CPNE5: variants seen among roughly 807,000 people sequenced by gnomAD.
The protein encoded by CPNE5 is copine-5.
A neutral mutation model predicts 81.1 loss-of-function variants in CPNE5; 42 were observed. The observed-to-expected ratio is 0.52, with a 90% CI of 0.40 to 0.67. The LOEUF (loss-of-function observed/expected upper bound fraction) is 0.67. CPNE5 is among the 30% of genes least tolerant of loss of function. The probability of loss-of-function intolerance (pLI) is 0.00; values close to 1 mark genes in which losing one functional copy is unlikely to be tolerated. For missense variants in CPNE5, 612 were observed against 815.5 expected (o/e 0.75, Z 3.04); for synonymous variants, 313 against 321.5 (o/e 0.97, Z 0.28).
At chr6:36,765,843 G>A (rs933342495) in intron 10 of CPNE5, among the ~76,000 whole-genome samples, 20 of 151,378 alleles carry the variant, frequency 1.3e-4, no homozygotes, top group African/African-American at 1.9e-4. Flanking sequence ...AGCCCTGCAC[G>A]TCAGGGAGGA....
At chr6:36,827,261 C>G (rs1772580899) in intron 1 of CPNE5, 1 of 929,734 alleles carries the variant, frequency 1.1e-6, no homozygotes, top group Admixed American at 6.2e-5. Context: ...TCCACACTTG[C>G]CTCCGTCCAT....
chr6:36,772,318 C>A lies in CPNE5; in HGVS notation c.737+2643G>T, dbSNP rs1767106512. ...CCTGACTTTCCAGCCTTTCCTGGGC[C>A]TTCTTTAGAACTCACTGCTCCAACC... is the stretch of plus-strand genomic sequence containing the variant. On this transcript the variant is annotated intron_variant, in intron 10 of 20. Coordinates refer to ENST00000244751, the MANE Select transcript of CPNE5 (RefSeq NM_020939.2). Among the ~76,000 whole-genome samples the A allele has an allele frequency of 2.6e-5, 4 of 152,114 alleles. No individual in the cohort carries two copies. The South Asian group carries it at 8.3e-4, about 32-fold the overall frequency.
chr6:36,746,430 G>T lies in CPNE5; in HGVS notation c.1166C>A (p.Pro389His). The T allele has an allele frequency of 1.9e-6, 3 of 1,612,942 alleles. No homozygotes were observed. Among genetic ancestry groups the T allele is most frequent in the Non-Finnish European group, 2.5e-6 (3 of 1,179,442 alleles). The change falls in exon 16 of 21, where the codon CCC becomes CAC. Residue 389 changes from proline (P) to histidine (H), a missense_variant. By Grantham distance (77) the Pro-to-His change is moderately conservative (BLOSUM62 -2). Transcript: ENST00000244751. The surrounding 1 kb of genome is among the most constrained non-coding windows in gnomAD (Gnocchi z 4.5). ...CTCGTGGGACACTCTGCCATCCGGGGGCAGCTTGGCCCCGAAGCCCAGGGC... is the reference window on the plus strand; with the variant it reads ...CTCGTGGGACACTCTGCCATCCGGGTGCAGCTTGGCCCCGAAGCCCAGGGC... ...FPALGFGAKL[P>H]PDGRVSHEFP... is the part of the protein sequence containing the mutation.
chr6:36,759,615 G>C (rs1419694925), intron 12 of CPNE5, among the ~76,000 whole-genome samples: 1 of 152,080 alleles, frequency 6.6e-6, no homozygotes, highest in Admixed American at 6.5e-5. Context: ...AGGAACCCCA[G>C]GAGCACTGAC....
At chr6:36,795,667 T>G (rs575576663) in intron 6 of CPNE5, among the ~76,000 whole-genome samples, 12 of 152,322 alleles carry the variant, frequency 7.9e-5, no homozygotes, top group Non-Finnish European at 1.5e-4. Flanking sequence ...TCTGTTGACA[T>G]CTTGATCTCC....
rs372576700 is a variant in CPNE5, at chr6:36,775,105, A to G, written c.633-40T>C. On this transcript the variant is annotated intron_variant, in intron 9 of 20. Coordinates refer to ENST00000244751, the MANE Select transcript of CPNE5 (RefSeq NM_020939.2). ...GAGAGGGAAAGGCTGTCAGGCCCAA[A>G]CCCAAGGGAGGCGAATGCAGGTCAA... The G allele has an allele frequency of 1.4e-4, 212 of 1,526,612 alleles. No individual in the cohort carries two copies. The African/African-American group carries it at 2.6e-3, about 18-fold the overall frequency. 94.6% of individuals were successfully genotyped at this position (1,526,612 alleles called of 1,614,324 possible). A position where few individuals can be genotyped will look rare whatever the true frequency, so the allele number is the denominator to read the frequency against.
chr6:36,785,474 G>A (rs1262958242), intron 8 of CPNE5, among the ~76,000 whole-genome samples: 1 of 152,182 alleles, frequency 6.6e-6, no homozygotes, highest in Non-Finnish European at 1.5e-5. Flanking sequence ...GCACAGAAAA[G>A]TAACTTGCCC....
intron 1 of CPNE5, chr6:36,827,697 T>G: frequency 1.0e-6 from 1 of 985,372 alleles, no homozygotes; most frequent in African/African-American, 1.7e-5. Flanking sequence ...CCAGGGGCAA[T>G]GAGTCACTTG....
chr6:36,820,200 G>A (rs1242574790), intron 3 of CPNE5, among the ~76,000 whole-genome samples: 1 of 152,058 alleles, frequency 6.6e-6, no homozygotes, highest in Non-Finnish European at 1.5e-5. Context: ...CCCCTTCCCC[G>A]CTTTCCTCTT....
chr6:36,753,396 T>A (rs1765060308), intron 13 of CPNE5, among the ~76,000 whole-genome samples: 1 of 152,212 alleles, frequency 6.6e-6, no homozygotes, highest in Admixed American at 6.5e-5. Context: ...AAGGGTCCCA[T>A]CTGTGTCAGT....
At chr6:36,792,141 G>C (rs1561790968) in intron 7 of CPNE5, 45 bp from the exon 8 acceptor site, 1 of 1,583,948 alleles carries the variant, frequency 6.3e-7, no homozygotes, top group Non-Finnish European at 8.7e-7. Context: ...GACAAAGACA[G>C]AGCCATAAAC....
chr6:36,756,446 T>C, intron 12 of CPNE5, 148 bp from the exon 13 acceptor site: 1 of 646,108 alleles, frequency 1.5e-6, no homozygotes, highest in Non-Finnish European at 2.7e-6. Flanking sequence ...GAGAAGGGTT[T>C]AAGGAGGATT....
intron 18 of CPNE5, chr6:36,744,584 C>T: frequency 3.7e-6 from 2 of 547,652 alleles, no homozygotes; most frequent in Admixed American, 3.1e-5. Context: ...TTTGGTGAGT[C>T]ACCCCCATCC....
At chr6:36,763,106 C>G in intron 11 of CPNE5, 114 bp from the exon 12 acceptor site, 1 of 892,212 alleles carries the variant, frequency 1.1e-6, no homozygotes, top group Admixed American at 1.8e-5. Flanking sequence ...GGACTCCACT[C>G]CAGGGGCACA....
At chr6:36,804,314 T>C (rs1008774959) in intron 3 of CPNE5, among the ~76,000 whole-genome samples, 41 of 152,178 alleles carry the variant, frequency 2.7e-4, no homozygotes, top group African/African-American at 9.7e-4. Flanking sequence ...GGACATCAGA[T>C]TGAATAAGAC....
chr6:36,792,235 A>C (rs934516986), intron 7 of CPNE5, 139 bp from the exon 8 acceptor site: 2 of 1,246,960 alleles, frequency 1.6e-6, no homozygotes, highest in Non-Finnish European at 2.3e-6. Context: ...CTGAGAAGAC[A>C]GAGTCTCCTG....
chr6:36,745,129 A>G lies in CPNE5; in HGVS notation c.1350T>C (p.Asp450=), dbSNP rs2150356801. 6.2e-7 allele frequency: 1 copy of G among 1,613,934 alleles called. No homozygotes were observed. Among genetic ancestry groups the G allele is most frequent in the Non-Finnish European group, 8.5e-7 (1 of 1,179,902 alleles). Residue 450 remains aspartate (D), a synonymous_variant, in exon 18 of 21, where the codon GAT becomes GAC. Coordinates refer to ENST00000244751, the MANE Select transcript of CPNE5 (RefSeq NM_020939.2). ...HVARNAAAVQ[D]GSQYSVLLII... is the part of the protein sequence containing the mutation. ...TGAGCAGCACCGAGTACTGGGAGCC[A>G]TCCTGCACGGCCGCTGCATTCCTGG... is the stretch of plus-strand genomic sequence containing the variant.
intron 2 of CPNE5, 104 bp from the exon 3 acceptor site, chr6:36,822,264 C>A (rs1432713964): frequency 3.3e-6 from 3 of 906,516 alleles, no homozygotes; most frequent in African/African-American, 1.7e-5. Context: ...GCAGACCCAG[C>A]CTGGGTAGCA....
chr6:36,752,175 G>T (rs1489451317), intron 14 of CPNE5, among the ~76,000 whole-genome samples: 1 of 152,174 alleles, frequency 6.6e-6, no homozygotes, highest in African/African-American at 2.4e-5. Context: ...ACTTGGCTGG[G>T]ATGAGCCTTT....
Sources: gnomAD v4.1 joint callset for allele counts (sites outside exome capture counted in the v4.1 genomes callset) on GRCh38, gnomAD v4.1.1 for gene constraint, Gnocchi (gnomAD v3.1) non-coding constraint, MANE v1.5 for transcripts, NCBI Gene and HGNC (gene_info 2026-07-23, HGNC 2026-07-21) for gene names.